The following SKAP2 variants were observed in gnomAD, a reference collection of about 807,000 sequenced individuals.
SKAP2 encodes src kinase associated phosphoprotein 2, also known as src kinase-associated phosphoprotein 2.
In SKAP2, 28 loss-of-function variants were observed where a neutral mutation model predicts 54.9. That is an observed-to-expected ratio of 0.51 (90% CI 0.38 to 0.70). SKAP2 has a LOEUF of 0.70. SKAP2 is among the 30% of genes least tolerant of loss of function. The pLI, the probability that SKAP2 is intolerant of heterozygous loss-of-function variation, is 0.00. For synonymous variants in SKAP2, 137 were observed against 134.3 expected, an observed-to-expected ratio of 1.02 and a Z score of -0.14; for missense variants, 356 against 424.1, an observed-to-expected ratio of 0.84 and a Z score of 1.41.
intron 1 of SKAP2, among the ~76,000 whole-genome samples, chr7:26,858,780 T>C (rs1785225232): frequency 6.6e-6 from 1 of 152,146 alleles, no homozygotes. Flanking sequence ...TTTAAATTTT[T>C]TTGCAAATGA....
chr7:26,835,680 G>T (rs1431554752), intron 4 of SKAP2, among the ~76,000 whole-genome samples: 1 of 143,904 alleles, frequency 6.9e-6, no homozygotes, highest in South Asian at 2.2e-4. Context: ...ACTGCTCAAG[G>T]AAATAAGAGA....
chr7:26,731,080 G>C (rs749157907), intron 6 of SKAP2, among the ~76,000 whole-genome samples: 77 of 152,148 alleles, frequency 5.1e-4, no homozygotes, highest in Non-Finnish European at 6.8e-4. Context: ...GGAAAGTCTG[G>C]TTCTAAAGCC....
chr7:26,693,523 C>G (rs1366640458), intron 9 of SKAP2, among the ~76,000 whole-genome samples: 2 of 152,000 alleles, frequency 1.3e-5, no homozygotes, highest in Non-Finnish European at 2.9e-5. Flanking sequence ...GTAACATGTG[C>G]TCTGGATTGT....
chr7:26,729,687 CAGAT>C (rs1787781931), intron 6 of SKAP2, among the ~76,000 whole-genome samples: 1 of 151,882 alleles, frequency 6.6e-6, no homozygotes, highest in Non-Finnish European at 1.5e-5. Context: ...GCTCACTCAG[CAGAT>C]AGAAAATAAG....
rs936337157 is a variant in SKAP2 at position 26,864,487 on chromosome 7, G to C, written c.-58C>G. ...CTGCGCTGAAAAGGTGACCGACGGGGTGGGGCTGCGGCTGCGACCTAGACT... is the reference window on the plus strand; with the variant it reads ...CTGCGCTGAAAAGGTGACCGACGGGCTGGGGCTGCGGCTGCGACCTAGACT... On this transcript the variant is annotated 5_prime_UTR_variant, in exon 1 of 13. Transcript: ENST00000345317. 1 of 1,545,106 alleles carries C rather than the reference G, an allele frequency of 6.5e-7. No homozygotes were observed. The highest frequency in any genetic ancestry group is 2.0e-5 in the Admixed American group (1 of 50,660).
intron 4 of SKAP2, among the ~76,000 whole-genome samples, chr7:26,751,571 T>C (rs1782682283): frequency 6.6e-6 from 1 of 152,126 alleles, no homozygotes; most frequent in Non-Finnish European, 1.5e-5. Flanking sequence ...TCTTCTGTCA[T>C]TCAAAGTACC....
intron 3 of SKAP2, among the ~76,000 whole-genome samples, chr7:26,850,702 A>C (rs1170534994): frequency 6.6e-6 from 1 of 152,190 alleles, no homozygotes; most frequent in Non-Finnish European, 1.5e-5. Context: ...AAAACAAGCA[A>C]TATTTCAAAT....
chr7:26,662,563 T>C (rs1280605188), downstream of SKAP2, among the ~76,000 whole-genome samples: 1 of 152,164 alleles, frequency 6.6e-6, no homozygotes, highest in Non-Finnish European at 1.5e-5. Context: ...TCAAATTCTA[T>C]GTTTGAAATA....
chr7:26,762,211 G>A (rs192304296), intron 4 of SKAP2, among the ~76,000 whole-genome samples: 28 of 152,174 alleles, frequency 1.8e-4, no homozygotes, highest in African/African-American at 5.5e-4. Context: ...CAAGGCTCTA[G>A]TGAGTTGTGA....
At chr7:26,740,007 C>T in intron 4 of SKAP2, 43 bp from the exon 5 acceptor site, 1 of 1,266,474 alleles carries the variant, frequency 7.9e-7, no homozygotes, top group African/African-American at 1.5e-5. Flanking sequence ...AGTGGGTAAT[C>T]CATTTCAGAA....
chr7:26,733,773 T>C (rs1404562448), intron 6 of SKAP2, among the ~76,000 whole-genome samples: 1 of 152,166 alleles, frequency 6.6e-6, no homozygotes, highest in Non-Finnish European at 1.5e-5. Context: ...GAAAAGATAT[T>C]ACAATGAAAA....
intron 4 of SKAP2, among the ~76,000 whole-genome samples, chr7:26,757,159 A>G (rs1462384082): frequency 6.6e-6 from 1 of 152,154 alleles, no homozygotes; most frequent in African/African-American, 2.4e-5. Flanking sequence ...TTTGCTGTGC[A>G]GAAGCTCTTG....
chr7:26,691,638 A>G (rs1376014050), intron 9 of SKAP2, among the ~76,000 whole-genome samples: 2 of 152,174 alleles, frequency 1.3e-5, no homozygotes, highest in Non-Finnish European at 1.5e-5. Context: ...TCTAAAGGAA[A>G]ACAGGCTGAA....
intron 9 of SKAP2, among the ~76,000 whole-genome samples, chr7:26,717,809 G>A (rs1787492246): frequency 6.6e-6 from 1 of 151,142 alleles, no homozygotes; most frequent in Admixed American, 6.6e-5. Context: ...TCCAGAATGG[G>A]TGACAGAGCA....
At chr7:26,732,305 G>A (rs1306394529) in intron 6 of SKAP2, among the ~76,000 whole-genome samples, 2 of 152,118 alleles carry the variant, frequency 1.3e-5, no homozygotes. Context: ...GCTTGGCAAG[G>A]CCCAAGCCAG....
At chr7:26,700,629 A>C (rs974888200) in intron 9 of SKAP2, among the ~76,000 whole-genome samples, 2 of 152,180 alleles carry the variant, frequency 1.3e-5, no homozygotes, top group African/African-American at 4.8e-5. Context: ...ACAAGCCCCT[A>C]TGCCTCAATT....
At chr7:26,833,610 C>T (rs1311296343) in intron 4 of SKAP2, among the ~76,000 whole-genome samples, 1 of 151,984 alleles carries the variant, frequency 6.6e-6, no homozygotes, top group African/African-American at 2.4e-5. Context: ...CAACAAAGAT[C>T]AAAAGAGACA....
chr7:26,708,220 C>T (rs1333656792), intron 9 of SKAP2, among the ~76,000 whole-genome samples: 2 of 152,198 alleles, frequency 1.3e-5, no homozygotes, highest in Non-Finnish European at 2.9e-5. Context: ...CACATTATTA[C>T]ACTGGTCCCA....
intron 9 of SKAP2, among the ~76,000 whole-genome samples, chr7:26,699,031 C>A (rs184380393): frequency 1.2e-3 from 186 of 152,242 alleles, no homozygotes; most frequent in African/African-American, 4.2e-3. Context: ...TATTTTCCAA[C>A]TGACCAAAGC....
Sources: allele counts gnomAD v4.1 joint callset (sites outside exome capture counted in the v4.1 genomes callset), GRCh38; gene constraint gnomAD v4.1.1; transcripts MANE v1.5; gene names NCBI Gene and HGNC (gene_info 2026-07-23, HGNC 2026-07-21).